Variants in SDK1 observed in about 807,000 individuals in gnomAD.
SDK1 encodes the protein sidekick cell adhesion molecule 1.
In SDK1, 157 loss-of-function variants were observed where a neutral mutation model predicts 245.5. The observed-to-expected ratio is 0.64, with a 90% CI of 0.56 to 0.73. The LOEUF (loss-of-function observed/expected upper bound fraction) is 0.73, where lower values mean the gene tolerates loss of function less well. Ranked by LOEUF, SDK1 falls within the 30% of genes least tolerant of loss-of-function variation. The probability of loss-of-function intolerance (pLI) is 0.00; values close to 1 mark genes in which losing one functional copy is unlikely to be tolerated. For missense variants in SDK1, 3,583 were observed against 3,002.3 expected (o/e 1.19, Z -4.52); for synonymous variants, 1,647 against 1,278.5 (o/e 1.29, Z -6.15).
rs372206072 is a variant in SDK1 at position 3,618,968 on chromosome 7, A to G, written c.299-112A>G. 17 of 880,380 alleles carry G rather than the reference A, an allele frequency of 1.9e-5. No individual in the cohort carries two copies. In the East Asian group the frequency reaches 2.1e-4, roughly 11 times the overall value. The allele number at this position is 880,380 out of a possible 1,614,324, so 54.5% of individuals were successfully genotyped here. ...TACTTCTTAATTGGGCCAAACAGCC[A>G]TCACTTTCATTTTAATATTACGTTT... On this transcript the variant is annotated intron_variant, in intron 1 of 44. Transcript: ENST00000404826.
intron 20 of SDK1, among the ~76,000 whole-genome samples, chr7:4,074,856 T>TAC (rs1486926440): frequency 9.7e-5 from 7 of 72,344 alleles, no homozygotes; most frequent in African/African-American, 2.8e-4. Flanking sequence ...GAGCAAGACT[T>TAC]TCTCTCTCTC....
rs573295167 is a variant in SDK1 at position 3,928,633 on chromosome 7, G to T, written c.848-22290G>T. Among the ~76,000 whole-genome samples the T allele has an allele frequency of 1.0e-3, 159 of 152,112 alleles. 4 individuals carry two copies. Among genetic ancestry groups the T allele is most frequent in the East Asian group, 9.1e-3 (47 of 5,174 alleles). On this transcript the variant is annotated intron_variant, in intron 5 of 44. Coordinates refer to ENST00000404826, the MANE Select transcript of SDK1 (RefSeq NM_152744.4). ...GAACTCAATAAAAGTTTTTTTTTGG[G>T]GGGGGTGGGTGGAATGCCAATAATG...
chr7:3,821,340 C>A, intron 4 of SDK1, 110 bp from the exon 5 acceptor site: 1 of 1,273,522 alleles, frequency 7.9e-7, no homozygotes, highest in Non-Finnish European at 1.1e-6. Flanking sequence ...CCTTCCAGCT[C>A]TTCTTTTAAA....
At chr7:4,157,802 T>C (rs1780862216) in intron 30 of SDK1, among the ~76,000 whole-genome samples, 1 of 152,102 alleles carries the variant, frequency 6.6e-6, no homozygotes, top group African/African-American at 2.4e-5. Flanking sequence ...GGGGTTGCAC[T>C]TGCCAAGCGC....
At chr7:4,193,254 A>G (rs1453636217) in intron 35 of SDK1, among the ~76,000 whole-genome samples, 1 of 135,338 alleles carries the variant, frequency 7.4e-6, no homozygotes, top group Non-Finnish European at 1.5e-5. Flanking sequence ...AATATATTGT[A>G]ATTAATTGTA....
At chr7:3,314,887 G>T (rs1209387434) in intron 1 of SDK1, among the ~76,000 whole-genome samples, 1 of 147,624 alleles carries the variant, frequency 6.8e-6, no homozygotes, top group Admixed American at 6.9e-5. Flanking sequence ...CATCCTATTG[G>T]CAACAAAAAC....
At chr7:3,324,871 A>G (rs73288373) in intron 1 of SDK1, among the ~76,000 whole-genome samples, 84 of 152,296 alleles carry the variant, frequency 5.5e-4, no homozygotes, top group African/African-American at 1.9e-3. Flanking sequence ...CTTACGTTTG[A>G]AAGAAAGTCC....
At chr7:4,146,110 A>C (rs1248078912) in intron 29 of SDK1, among the ~76,000 whole-genome samples, 194 bp downstream of exon 29, 1 of 143,092 alleles carries the variant, frequency 7.0e-6, no homozygotes, top group Non-Finnish European at 1.6e-5. Flanking sequence ...CATTGCATTC[A>C]CACCTTCAGC....
At chr7:3,994,305 G>C (rs1784548384) in intron 14 of SDK1, among the ~76,000 whole-genome samples, 1 of 152,046 alleles carries the variant, frequency 6.6e-6, no homozygotes, top group Admixed American at 6.6e-5. Flanking sequence ...CTCTAAAATA[G>C]AACTCATCAT....
chr7:4,000,471 AG>A (rs1334151130), intron 14 of SDK1, among the ~76,000 whole-genome samples: 1 of 151,900 alleles, frequency 6.6e-6, no homozygotes, highest in Non-Finnish European at 1.5e-5. Flanking sequence ...TTTGCAGGAG[AG>A]GTTCTTCCTC....
chr7:3,720,005 ACTC>A (rs1785318535), intron 4 of SDK1, among the ~76,000 whole-genome samples: 1 of 151,900 alleles, frequency 6.6e-6, no homozygotes, highest in African/African-American at 2.4e-5. Flanking sequence ...GAAAAGGAAA[ACTC>A]AGAGTATCTT....
chr7:3,909,772 T>C (rs1779096680), intron 5 of SDK1, among the ~76,000 whole-genome samples: 1 of 152,258 alleles, frequency 6.6e-6, no homozygotes, highest in African/African-American at 2.4e-5. Context: ...TCATGGTCGA[T>C]GGCTTTATCT....
At chr7:3,470,108 C>T (rs1228435469) in intron 1 of SDK1, among the ~76,000 whole-genome samples, 1 of 152,140 alleles carries the variant, frequency 6.6e-6, no homozygotes, top group Non-Finnish European at 1.5e-5. Flanking sequence ...TTGTTCTCAG[C>T]CTTTTTGGGG....
chr7:3,964,218 C>G (rs183887693), intron 9 of SDK1, among the ~76,000 whole-genome samples: 230 of 152,320 alleles, frequency 1.5e-3, no homozygotes, highest in Non-Finnish European at 2.6e-3. Flanking sequence ...AGAGCCAGCT[C>G]TCAAGCACAC....
intron 14 of SDK1, 125 bp from the exon 15 acceptor site, chr7:4,010,841 T>TTCCTTCTCCTAGAGCTG: frequency 1.0e-6 from 1 of 970,510 alleles, no homozygotes; most frequent in Non-Finnish European, 1.5e-6. Flanking sequence ...GGGATAAGCT[T>TTCCTTCTCCTAGAGCTG]TCCTTCTCCT....
At chr7:3,573,677 T>C (rs1391621163) in intron 1 of SDK1, among the ~76,000 whole-genome samples, 1 of 152,044 alleles carries the variant, frequency 6.6e-6, no homozygotes, top group Non-Finnish European at 1.5e-5. Flanking sequence ...TCGGTACTCC[T>C]GATTAGCTCA....
rs527625577 is a variant in SDK1 at position 3,991,769 on chromosome 7, C to G, written c.2131+4447C>G. On this transcript the variant is annotated intron_variant, in intron 14 of 44. Coordinates refer to ENST00000404826, the MANE Select transcript of SDK1 (RefSeq NM_152744.4). ...CTGATTTCCACTGTGTGAAGGAAGC[C>G]CGTGACCTTGGCTGAAGCAGCCTGT... Among the ~76,000 whole-genome samples, 107 of 152,286 alleles carry G rather than the reference C, an allele frequency of 7.0e-4. 1 individual carries two copies. The highest frequency in any genetic ancestry group is 2.5e-3 in the African/African-American group (104 of 41,554).
At chr7:3,414,938 G>A (rs887957091) in intron 1 of SDK1, among the ~76,000 whole-genome samples, 12 of 152,040 alleles carry the variant, frequency 7.9e-5, no homozygotes, top group Non-Finnish European at 1.5e-4. Flanking sequence ...AAATATTTCC[G>A]TGCACGGATA....
At chr7:3,810,140 G>A (rs1779349678) in intron 4 of SDK1, among the ~76,000 whole-genome samples, 1 of 152,156 alleles carries the variant, frequency 6.6e-6, no homozygotes, top group African/African-American at 2.4e-5. Flanking sequence ...ATCCTGGGGA[G>A]AGGAGGATTC....
Sources: allele counts gnomAD v4.1 joint callset (sites outside exome capture counted in the v4.1 genomes callset), GRCh38; gene constraint gnomAD v4.1.1; transcripts MANE v1.5; gene names NCBI Gene and HGNC (gene_info 2026-07-23, HGNC 2026-07-21).